The following COL4A4 variants were observed in gnomAD, a reference collection of about 807,000 sequenced individuals.
The protein encoded by COL4A4 is collagen alpha-4(IV) chain.
A neutral mutation model predicts 192.9 loss-of-function variants in COL4A4; 105 were observed. The observed-to-expected ratio is 0.54, with a 90% CI of 0.46 to 0.64. The LOEUF (loss-of-function observed/expected upper bound fraction) is 0.64. Ranked by LOEUF, COL4A4 falls within the 30% of genes least tolerant of loss-of-function variation. COL4A4 has a pLI of 0.00. For synonymous variants in COL4A4, 762 were observed against 769.9 expected, an observed-to-expected ratio of 0.99 and a Z score of 0.17; for missense variants, 1,967 against 2,169.3, an observed-to-expected ratio of 0.91 and a Z score of 1.85.
At chr2:227,112,693 T>A (rs976443104) in intron 8 of COL4A4, among the ~76,000 whole-genome samples, 1 of 152,234 alleles carries the variant, frequency 6.6e-6, no homozygotes, top group African/African-American at 2.4e-5. Context: ...TCTCCTCCAG[T>A]GGAAACTCTG....
rs912240177 is a variant in COL4A4 at position 227,087,603 on chromosome 2, C to T, written c.1623+1050G>A. Reference sequence around the variant, plus strand: ...TCCAGAATCTGACCACCTTGCACCACACCCAGCACCACCACATTAAGGCAT... The same window carrying T: ...TCCAGAATCTGACCACCTTGCACCATACCCAGCACCACCACATTAAGGCAT... On this transcript the variant is annotated intron_variant, in intron 22 of 47. Coordinates refer to ENST00000396625, the MANE Select transcript of COL4A4 (RefSeq NM_000092.5). Among the ~76,000 whole-genome samples, 10 of 152,294 alleles carry T rather than the reference C, an allele frequency of 6.6e-5. No individual in the cohort carries two copies. In the South Asian group the frequency reaches 2.1e-3, roughly 32 times the overall value.
chr2:227,159,866 G>A (rs1477531087), intron 1 of COL4A4, among the ~76,000 whole-genome samples: 2 of 152,166 alleles, frequency 1.3e-5, no homozygotes, highest in African/African-American at 4.8e-5. Context: ...TATGAGAACA[G>A]ACTAATACAC....
chr2:227,028,447 C>T (rs16823082), intron 41 of COL4A4, among the ~76,000 whole-genome samples: 1,537 of 152,228 alleles, frequency 0.01, 29 homozygotes, highest in African/African-American at 0.035. Context: ...ACTTCTTCCA[C>T]ATCCATGATG....
the COL4A4 span, chr2:226,995,672 A>G: frequency 4.7e-6 from 3 of 634,042 alleles, no homozygotes; most frequent in Non-Finnish European, 8.5e-6. Context: ...GGACAGTCCC[A>G]TGGCCCCTAT....
intron 36 of COL4A4, 49 bp downstream of exon 36, chr2:227,043,028 C>G (rs751632561): frequency 1.5e-6 from 2 of 1,359,506 alleles, no homozygotes; most frequent in Admixed American, 1.7e-5. Context: ...CTGAAACACT[C>G]TGAGACACAA....
chr2:227,014,822 G>T (rs1407545360), intron 44 of COL4A4, among the ~76,000 whole-genome samples: 3 of 151,162 alleles, frequency 2.0e-5, no homozygotes, highest in African/African-American at 7.3e-5. Context: ...AGATTCTCCT[G>T]CCTCCTGCAA....
intron 29 of COL4A4, 47 bp from the exon 30 acceptor site, chr2:227,056,162 C>T: frequency 2.6e-6 from 4 of 1,536,232 alleles, no homozygotes; most frequent in Non-Finnish European, 3.6e-6. Flanking sequence ...TGAACACTGG[C>T]TTCACACACA....
chr2:227,084,656 C>G (rs540739130), intron 22 of COL4A4, among the ~76,000 whole-genome samples: 4 of 152,050 alleles, frequency 2.6e-5, no homozygotes, highest in African/African-American at 9.7e-5. Context: ...TACAAAGAAC[C>G]AGGCATTACT....
intron 1 of COL4A4, among the ~76,000 whole-genome samples, chr2:227,150,725 A>G (rs185948233): frequency 1.8e-4 from 28 of 152,150 alleles, no homozygotes; most frequent in African/African-American, 4.8e-4. Flanking sequence ...CAAAGGGGGA[A>G]GCCCCTTATA....
intron 1 of COL4A4, among the ~76,000 whole-genome samples, chr2:227,148,724 AT>A (rs2063715112): frequency 6.6e-6 from 1 of 152,084 alleles, no homozygotes; most frequent in South Asian, 2.1e-4. Context: ...GATAAAAGAT[AT>A]ATTTGGCTCA....
intron 34 of COL4A4, among the ~76,000 whole-genome samples, chr2:227,048,978 A>C (rs562805328): frequency 3.3e-4 from 50 of 152,330 alleles, no homozygotes; most frequent in African/African-American, 1.2e-3. Context: ...CTCTCAAAGT[A>C]GTAAGGCAGA....
intron 37 of COL4A4, among the ~76,000 whole-genome samples, chr2:227,041,865 AGAAAG>A (rs1327622699): frequency 3.9e-5 from 5 of 128,070 alleles, no homozygotes; most frequent in African/African-American, 1.6e-4. Context: ...AAAGAAAGAA[AGAAAG>A]AAAGAAAGAA....
chr2:227,057,506 A>T lies in COL4A4; in HGVS notation c.2478T>A (p.His826Gln). Reference sequence around the variant, plus strand: ...TCCCTGGAGCACCTCTTTCACAGGAATGGCCAGGTGGACCTGGGACACCTG... The same window carrying T: ...TCCCTGGAGCACCTCTTTCACAGGATTGGCCAGGTGGACCTGGGACACCTG... Reference protein sequence around the residue: ...GFPGVPGPPGHSCERGAPGIP... With the variant: ...GFPGVPGPPGQSCERGAPGIP... The change falls in exon 29 of 48, where the codon CAT becomes CAA. Residue 826 changes from histidine to glutamine, a missense_variant. Coordinates refer to ENST00000396625, the MANE Select transcript of COL4A4 (RefSeq NM_000092.5). The T allele has an allele frequency of 6.2e-7, 1 of 1,613,462 alleles. No homozygotes were observed. Among genetic ancestry groups the T allele is most frequent in the Non-Finnish European group, 8.5e-7 (1 of 1,179,810 alleles).
chr2:227,134,391 G>T (rs547540968), intron 4 of COL4A4, among the ~76,000 whole-genome samples: 1 of 152,308 alleles, frequency 6.6e-6, no homozygotes, highest in South Asian at 2.1e-4. Flanking sequence ...CTCAGGGGTT[G>T]AAAGACCACC....
At chr2:227,096,926 G>A (rs577934239) in intron 19 of COL4A4, among the ~76,000 whole-genome samples, 6 of 152,140 alleles carry the variant, frequency 3.9e-5, no homozygotes, top group East Asian at 1.9e-4. Context: ...TATTCTATAC[G>A]TTGTATATAT....
intron 46 of COL4A4, among the ~76,000 whole-genome samples, chr2:227,009,716 AAAGAGAAGAGAAGAGAAAAGAG>A (rs932877621): frequency 1.2e-4 from 6 of 48,280 alleles, no homozygotes; most frequent in East Asian, 5.0e-4. Context: ...AAAAAGAGGA[AAAGAGAAGAGAAGAGAAAAGAG>A]AAGAGAAGAG....
At chr2:227,069,445 A>G (rs1217403771) in intron 25 of COL4A4, among the ~76,000 whole-genome samples, 1 of 152,228 alleles carries the variant, frequency 6.6e-6, no homozygotes, top group Non-Finnish European at 1.5e-5. Flanking sequence ...AGCCGGAGGC[A>G]TCACACTACC....
chr2:227,055,152 C>G (rs1210530018), intron 30 of COL4A4, among the ~76,000 whole-genome samples: 1 of 152,126 alleles, frequency 6.6e-6, no homozygotes, highest in Non-Finnish European at 1.5e-5. Flanking sequence ...AGTTCATCTA[C>G]AGATGCAAAC....
chr2:227,104,067 C>G lies in COL4A4; in HGVS notation c.736-15G>C, dbSNP rs1559632135. ...CCAACCTCACCCTTAAAAAAAAAAG[C>G]AAGATAATGAAAATTTCATATTAAT... On this transcript the variant is annotated splice_polypyrimidine_tract_variant and intron_variant, in intron 12 of 47. Coordinates refer to ENST00000396625, the MANE Select transcript of COL4A4 (RefSeq NM_000092.5). 3.1e-6 allele frequency: 5 copies of G among 1,591,716 alleles called. No homozygotes were observed. The highest frequency in any genetic ancestry group is 4.3e-6 in the Non-Finnish European group (5 of 1,162,516).
Sources: allele counts gnomAD v4.1 joint callset (sites outside exome capture counted in the v4.1 genomes callset), GRCh38; gene constraint gnomAD v4.1.1; transcripts MANE v1.5; gene names NCBI Gene and HGNC (gene_info 2026-07-23, HGNC 2026-07-21).